The following IMPDH1 variants were observed in gnomAD, a reference collection of about 807,000 sequenced individuals.
The protein encoded by IMPDH1 is inosine-5'-monophosphate dehydrogenase 1.
A neutral mutation model predicts 73.5 loss-of-function variants in IMPDH1; 41 were observed. That is an observed-to-expected ratio of 0.56 (90% confidence interval 0.43 to 0.72). The LOEUF (loss-of-function observed/expected upper bound fraction) is 0.72, where lower values mean the gene tolerates loss of function less well. IMPDH1 is among the 30% of genes least tolerant of loss of function. The probability of loss-of-function intolerance (pLI) is 0.00; values close to 1 mark genes in which losing one functional copy is unlikely to be tolerated. For synonymous variants in IMPDH1, 318 were observed against 334.3 expected (o/e 0.95, Z 0.53); for missense variants, 645 against 824.8 (o/e 0.78, Z 2.67).
At position 128,408,764 on chromosome 7, in the gene IMPDH1, C is replaced by T. The variant is rs117511788; in HGVS notation, c.254+525G>A. ...GTGGCCCCTCCCTATCGCCCTGCGG[C>T]CTGAACCCCAGGAGCTGGATTTCTA... On this transcript the variant is annotated intron_variant, in intron 3 of 16. Coordinates refer to ENST00000338791, the MANE Select transcript of IMPDH1 (RefSeq NM_000883.4). Among the ~76,000 whole-genome samples, 1,287 of 152,332 alleles carry T rather than the reference C, an allele frequency of 8.4e-3. 11 individuals carry two copies. The highest frequency in any genetic ancestry group is 0.013 in the Non-Finnish European group (856 of 68,026).
rs2116668368 is a variant in IMPDH1 at position 128,401,004 on chromosome 7, G to A, written c.504+11C>T. On this transcript the variant is annotated intron_variant, in intron 6 of 16. Coordinates refer to ENST00000338791, the MANE Select transcript of IMPDH1 (RefSeq NM_000883.4). ...TGTGCCCTGGAGTCCCCATGCAGGTGTGTAACTCACAGCCATGGCAATGGC... is the reference window on the plus strand; with the variant it reads ...TGTGCCCTGGAGTCCCCATGCAGGTATGTAACTCACAGCCATGGCAATGGC... 1 of 1,610,026 alleles carries A rather than the reference G, an allele frequency of 6.2e-7. No homozygotes were observed. The highest frequency in any genetic ancestry group is 8.5e-7 in the Non-Finnish European group (1 of 1,176,206).
In IMPDH1 at chr7:128,409,939, G is replaced by T; in HGVS notation, c.-38C>A. The stretch of plus-strand genomic sequence containing the variant: ...GCTCAGGGCGGGCGGGAGCCTGGAG[G>T]CTCCCGGGGCCCCGGCTGGGCAGTG... On this transcript the variant is annotated 5_prime_UTR_variant, in exon 1 of 17. Transcript: ENST00000338791. The T allele has an allele frequency of 7.5e-7, 1 of 1,326,848 alleles. No individual in the cohort carries two copies. 82.2% of individuals were successfully genotyped at this position (1,326,848 alleles called of 1,614,324 possible). A position where few individuals can be genotyped will look rare whatever the true frequency, so the allele number is the denominator to read the frequency against.
chr7:128,400,591 T>C (rs1798261628), intron 7 of IMPDH1, 52 bp from the exon 8 acceptor site: 7 of 1,536,558 alleles, frequency 4.6e-6, no homozygotes, highest in Non-Finnish European at 6.3e-6. Flanking sequence ...AGGGATGATG[T>C]CCAGGCTGGC....
intron 5 of IMPDH1, among the ~76,000 whole-genome samples, chr7:128,401,526 A>G (rs573170568): frequency 1.3e-5 from 2 of 152,242 alleles, no homozygotes; most frequent in Non-Finnish European, 2.9e-5. Context: ...AAAGAAAAAG[A>G]AGGCCAGGGG....
In IMPDH1 at chr7:128,398,401, G is replaced by T; in HGVS notation, c.1074+13C>A. ...CTCATCCATCTCCCCCACCACTCAG[G>T]CGGGGGCCTTACCAAGACTATGACG... On this transcript the variant is annotated intron_variant, in intron 10 of 16. Transcript: ENST00000338791. The surrounding 1 kb of genome is among the most constrained non-coding windows in gnomAD (Gnocchi z 4.3). 1 of 1,611,270 alleles carries T rather than the reference G, an allele frequency of 6.2e-7. No individual in the cohort carries two copies. The highest frequency in any genetic ancestry group is 8.5e-7 in the Non-Finnish European group (1 of 1,178,524).
At chr7:128,405,342 G>A (rs1340820815) in intron 4 of IMPDH1, among the ~76,000 whole-genome samples, 1 of 152,190 alleles carries the variant, frequency 6.6e-6, no homozygotes, top group Non-Finnish European at 1.5e-5. Flanking sequence ...CAACCACCTG[G>A]CTGGGCCTCT....
In IMPDH1 at chr7:128,396,915, G is replaced by T. The variant is rs1562987333; in HGVS notation, c.1165+17C>A. The T allele has an allele frequency of 6.3e-7, 1 of 1,593,384 alleles. No individual in the cohort carries two copies. Among genetic ancestry groups the T allele is most frequent in the Non-Finnish European group, 8.6e-7 (1 of 1,161,712 alleles). ...GAGGGGCAGGAGCAGGCGGGTGGGA[G>T]GCGACCCCGCACTCACCGTTCCCCC... On this transcript the variant is annotated intron_variant, in intron 11 of 16. Transcript: ENST00000338791. The surrounding 1 kb of genome is among the most constrained non-coding windows in gnomAD (Gnocchi z 4.0).
At position 128,398,677 on chromosome 7, in the gene IMPDH1, G is replaced by A. The variant is rs1455050169; in HGVS notation, c.875-64C>T. On this transcript the variant is annotated intron_variant, in intron 9 of 16. Transcript: ENST00000338791. The surrounding 1 kb of genome is among the most constrained non-coding windows in gnomAD (Gnocchi z 4.3). ...TGGGGAGAAGTTTGGGAGATGTTTA[G>A]GAGGGTGAAGATGAAAGTGGACCAC... 1 of 1,376,700 alleles carries A rather than the reference G, an allele frequency of 7.3e-7. No homozygotes were observed. The highest frequency in any genetic ancestry group is 1.0e-6 in the Non-Finnish European group (1 of 970,814). The allele number at this position is 1,376,700 out of a possible 1,614,324, so 85.3% of individuals were successfully genotyped here.
In IMPDH1 at chr7:128,409,937, A is replaced by G. The variant is rs72624937; in HGVS notation, c.-36T>C. 1.5e-4 allele frequency: 197 copies of G among 1,329,552 alleles called. 1 individual carries two copies. In the African/African-American group the frequency reaches 2.6e-3, roughly 17 times the overall value. The allele number at this position is 1,329,552 out of a possible 1,614,324, so 82.4% of individuals were successfully genotyped here. On this transcript the variant is annotated 5_prime_UTR_variant, in exon 1 of 17. Transcript: ENST00000338791. The stretch of plus-strand genomic sequence containing the variant: ...CAGCTCAGGGCGGGCGGGAGCCTGG[A>G]GGCTCCCGGGGCCCCGGCTGGGCAG...
chr7:128,403,775 G>A (rs1378569800), intron 4 of IMPDH1, 21 bp from the exon 5 acceptor site: 30 of 1,611,438 alleles, frequency 1.9e-5, no homozygotes, highest in Non-Finnish European at 2.5e-5. Flanking sequence ...AGAGAAGTGA[G>A]TGTTATTAGT....
At chr7:128,403,630 C>T (rs1379616822) in intron 5 of IMPDH1, 76 bp downstream of exon 5, 3 of 1,307,720 alleles carry the variant, frequency 2.3e-6, no homozygotes, top group Non-Finnish European at 3.3e-6. Context: ...TCTCCATGCC[C>T]TGCCCCTGAG....
intron 3 of IMPDH1, among the ~76,000 whole-genome samples, chr7:128,406,529 G>A (rs1798791311): frequency 6.6e-6 from 1 of 151,994 alleles, no homozygotes; most frequent in African/African-American, 2.4e-5. Flanking sequence ...ATCCTAGGGA[G>A]CCGGCATTCT....
At position 128,394,580 on chromosome 7, in the gene IMPDH1, T is replaced by A; in HGVS notation, c.1570A>T (p.Ile524Phe). Residue 524 changes from isoleucine to phenylalanine, a missense_variant, in exon 15 of 17, where the codon ATC (isoleucine) becomes TTC (phenylalanine). Around this residue, in one of 2 missense-constraint regions of IMPDH1, gnomAD observed 459 missense variants for 638.2 expected, o/e 0.72. Coordinates refer to ENST00000338791, the MANE Select transcript of IMPDH1 (RefSeq NM_000883.4). The surrounding 1 kb of genome is among the most constrained non-coding windows in gnomAD (Gnocchi z 5.5). ...ATGGAGCCCGAGACACCCTGCGCGA[T>A]CTTCACTTTATCCCCCTCGCTGCGT... Reference protein sequence around the residue: ...RYFSEGDKVKIAQGVSGSIQD... With the variant: ...RYFSEGDKVKFAQGVSGSIQD... 2 of 1,613,848 alleles carry A rather than the reference T, an allele frequency of 1.2e-6. No individual in the cohort carries two copies. The highest frequency in any genetic ancestry group is 1.7e-6 in the Non-Finnish European group (2 of 1,180,002).
chr7:128,403,211 C>G (rs1477392479), intron 5 of IMPDH1, among the ~76,000 whole-genome samples: 1 of 152,160 alleles, frequency 6.6e-6, no homozygotes, highest in African/African-American at 2.4e-5. Flanking sequence ...TGCCTCTGCC[C>G]CATCAGGTAT....
At chr7:128,397,159 T>G (rs549843482) in intron 10 of IMPDH1, 137 bp from the exon 11 acceptor site, 1 of 671,726 alleles carries the variant, frequency 1.5e-6, no homozygotes, top group Non-Finnish European at 2.6e-6. Flanking sequence ...TTGTTTTTTT[T>G]TTTTTTTTTC....
In IMPDH1 at chr7:128,398,131, A is replaced by C. The variant is rs1193508643; in HGVS notation, c.1074+283T>G. 1.3e-5 allele frequency among the ~76,000 whole-genome samples: 2 copies of C among 152,160 alleles called. No individual in the cohort carries two copies. Among genetic ancestry groups the C allele is most frequent in the African/African-American group, 4.8e-5 (2 of 41,424 alleles). Reference sequence around the variant, plus strand: ...TGTTTGTTTTCTTTCTTTGTATCTCAGATGACACAAACCATTGTTTGTTTT... The same window carrying C: ...TGTTTGTTTTCTTTCTTTGTATCTCCGATGACACAAACCATTGTTTGTTTT... On this transcript the variant is annotated intron_variant, in intron 10 of 16. Transcript: ENST00000338791. The surrounding 1 kb of genome is among the most constrained non-coding windows in gnomAD (Gnocchi z 4.3).
chr7:128,403,926 T>C (rs534091988), intron 4 of IMPDH1, among the ~76,000 whole-genome samples, 172 bp from the exon 5 acceptor site: 3 of 152,312 alleles, frequency 2.0e-5, no homozygotes, highest in African/African-American at 7.2e-5. Flanking sequence ...TGCACCTCAC[T>C]AGAGTCTGGC....
chr7:128,400,333 C>T lies in IMPDH1; in HGVS notation c.786G>A (p.Glu262=). 1 of 1,613,366 alleles carries T rather than the reference C, an allele frequency of 6.2e-7. No homozygotes were observed. The highest frequency in any genetic ancestry group is 8.5e-7 in the Non-Finnish European group (1 of 1,179,588). ...CCTGCTTCCCCTGCCCTGCAGGTAC[C>T]TCACTGAGGAGGGTGGTGTGGTCCT... ...AEKDHTTLLS[E]VMTPRIELVV... is the part of the protein sequence containing the mutation. The change falls in exon 8 of 17, where the codon GAG becomes GAA. Residue 262 remains glutamate, a splice_region_variant and synonymous_variant. Coordinates refer to ENST00000338791, the MANE Select transcript of IMPDH1 (RefSeq NM_000883.4).
Position 128,394,556 on chromosome 7 carries a change from T to C in IMPDH1, c.1594A>G (p.Ile532Val). 3 of 1,613,908 alleles carry C rather than the reference T, an allele frequency of 1.9e-6. No homozygotes were observed. The highest frequency in any genetic ancestry group is 2.5e-6 in the Non-Finnish European group (3 of 1,179,958). ...VKIAQGVSGS[I>V]QDKGSIQKFV... ...TTCTGAATGGATCCTTTGTCCTGGA[T>C]GGAGCCCGAGACACCCTGCGCGATC... Residue 532 changes from isoleucine (I) to valine (V), a missense_variant, in exon 15 of 17, where the codon ATC becomes GTC. Ile to Val is a conservative substitution (Grantham distance 29). This residue lies in a region of IMPDH1 where 459 missense variants were observed against 638.2 expected (regional missense o/e 0.72). Transcript: ENST00000338791. The surrounding 1 kb of genome is among the most constrained non-coding windows in gnomAD (Gnocchi z 5.5).
Sources: gnomAD v4.1 joint callset for allele counts (sites outside exome capture counted in the v4.1 genomes callset) on GRCh38, gnomAD v4.1.1 for gene constraint, gnomAD v4.1.1 regional missense constraint, Gnocchi (gnomAD v3.1) non-coding constraint, MANE v1.5 for transcripts, NCBI Gene and HGNC (gene_info 2026-07-23, HGNC 2026-07-21) for gene names.